The following RPS8 variants were observed in gnomAD, a reference collection of about 807,000 sequenced individuals.
RPS8 encodes the protein small ribosomal subunit protein eS8.
For missense variants in RPS8, 141 were observed against 269.7 expected (o/e 0.52, Z 3.34); for synonymous variants, 100 against 100.7 (o/e 0.99, Z 0.04).
rs1436343733 is a variant in RPS8, at chr1:44,775,811, T to C, written c.4+211T>C. 3 of 789,870 alleles carry C rather than the reference T, an allele frequency of 3.8e-6. No individual in the cohort carries two copies. In the Admixed American group the frequency reaches 7.2e-5, roughly 19 times the overall value. 48.9% of individuals were successfully genotyped at this position (789,870 alleles called of 1,614,324 possible). A position where few individuals can be genotyped will look rare whatever the true frequency, so the allele number is the denominator to read the frequency against. Reference sequence around the variant, plus strand: ...GGGTTCCGGGCCGCGGGCTGCGGGCTCCGAGCGGCGCCAACATGGCTGCCG... The same window carrying C: ...GGGTTCCGGGCCGCGGGCTGCGGGCCCCGAGCGGCGCCAACATGGCTGCCG... On this transcript the variant is annotated intron_variant, in intron 1 of 5. Transcript: ENST00000396651.
At chr1:44,777,828 G>T (rs374348518) in intron 4 of RPS8, 39 bp downstream of exon 4, 2 of 1,605,834 alleles carry the variant, frequency 1.2e-6, no homozygotes, top group African/African-American at 2.7e-5. Flanking sequence ...GGGGAGGGCA[G>T]CCTGACTCCA....
chr1:44,777,017 T>A (rs1650879667), intron 3 of RPS8: 1 of 410,094 alleles, frequency 2.4e-6, no homozygotes, highest in African/African-American at 2.1e-5. Context: ...CATTTGAAGT[T>A]TCTCCTTGCT....
At chr1:44,778,216 C>A in intron 5 of RPS8, 87 bp downstream of exon 5, 1 of 1,509,064 alleles carries the variant, frequency 6.6e-7, no homozygotes, top group Non-Finnish European at 9.1e-7. Context: ...CCTTTGACTG[C>A]CAGCCATGCA....
chr1:44,777,808 T>C lies in RPS8; in HGVS notation c.387+19T>C, dbSNP rs773022878. Reference sequence around the variant, plus strand: ...CAAGCTGGTGCGTGTTACTTCCCTGTAGGGGTTGTGGGGAGGGCAGCCTGA... The same window carrying C: ...CAAGCTGGTGCGTGTTACTTCCCTGCAGGGGTTGTGGGGAGGGCAGCCTGA... On this transcript the variant is annotated intron_variant, in intron 4 of 5. Transcript: ENST00000396651. 2 of 1,613,416 alleles carry C rather than the reference T, an allele frequency of 1.2e-6. No individual in the cohort carries two copies. The highest frequency in any genetic ancestry group is 1.7e-6 in the Non-Finnish European group (2 of 1,179,362).
At chr1:44,778,551 C>CTAAGGATCA (rs1650948729) in intron 5 of RPS8, 25 bp from the exon 6 acceptor site, 1 of 1,590,688 alleles carries the variant, frequency 6.3e-7, no homozygotes, top group Non-Finnish European at 8.6e-7. Flanking sequence ...TGTCGTTGTG[C>CTAAGGATCA]TAAGGATCAC....
chr1:44,777,381 T>G (rs2148843193), intron 3 of RPS8: 1 of 533,158 alleles, frequency 1.9e-6, no homozygotes, highest in South Asian at 2.1e-5. Flanking sequence ...TGCTCTGATC[T>G]TTCTGAACTC....
intron 5 of RPS8, 150 bp downstream of exon 5, chr1:44,778,279 C>A: frequency 9.9e-7 from 1 of 1,009,734 alleles, no homozygotes; most frequent in Non-Finnish European, 1.6e-6. Context: ...AACGTTTGGT[C>A]ACCCTATTCG....
chr1:44,776,416 T>G (rs1261184264), intron 2 of RPS8: 2 of 744,764 alleles, frequency 2.7e-6, no homozygotes, highest in African/African-American at 3.4e-5. Context: ...CGCGTCATAG[T>G]CAGAAGCCTA....
chr1:44,776,121 G>T lies in RPS8; in HGVS notation c.92G>T (p.Arg31Leu). Residue 31 changes from arginine (R) to leucine (L), a missense_variant, in exon 2 of 6, where the codon CGC (arginine) becomes CTC (leucine). Physicochemically the swap from Arg to Leu is moderately radical, Grantham distance 102 (BLOSUM62 -2). Transcript: ENST00000396651. ...AAGAAGCGGAAGTATGAGTTGGGGC[G>T]CCCAGCTGCCAACACCAAGGTGGGT... Reference protein sequence around the residue: ...YHKKRKYELGRPAANTKIGPR... With the variant: ...YHKKRKYELGLPAANTKIGPR... The T allele has an allele frequency of 6.2e-7, 1 of 1,603,816 alleles. No individual in the cohort carries two copies. The highest frequency in any genetic ancestry group is 1.1e-5 in the South Asian group (1 of 90,332).
chr1:44,776,785 C>A lies in RPS8; in HGVS notation c.211+11C>A, dbSNP rs771081823. On this transcript the variant is annotated intron_variant, in intron 3 of 5. Coordinates refer to ENST00000396651, the MANE Select transcript of RPS8 (RefSeq NM_001012.2). ...CCTGGGGCTCAGAGTGTGAGTGAGG[C>A]CCTTTGGGAGTGGGTGGGAAAACGC... 7.6e-6 allele frequency: 12 copies of A among 1,582,216 alleles called. No individual in the cohort carries two copies. The highest frequency in any genetic ancestry group is 6.8e-5 in the South Asian group (6 of 88,348).
intron 5 of RPS8, 68 bp from the exon 6 acceptor site, chr1:44,778,508 T>A (rs750392460): frequency 7.8e-7 from 1 of 1,278,118 alleles, no homozygotes; most frequent in South Asian, 1.2e-5. Context: ...CAGAGATTCT[T>A]AAGCGGGTGG....
At chr1:44,775,751 G>C (rs1316722961) in intron 1 of RPS8, 151 bp downstream of exon 1, 10 of 1,091,246 alleles carry the variant, frequency 9.2e-6, no homozygotes, top group Non-Finnish European at 1.3e-5. Flanking sequence ...CGGCCGCCCA[G>C]CCCGTCTCTG....
chr1:44,778,439 A>C lies in RPS8; in HGVS notation c.518-137A>C, dbSNP rs771579283. 3.6e-6 allele frequency: 3 copies of C among 826,906 alleles called. No homozygotes were observed. In the South Asian group the frequency reaches 4.0e-5, roughly 11 times the overall value. 51.2% of individuals were successfully genotyped at this position (826,906 alleles called of 1,614,324 possible). ...GTTCTGCTACTGACAGTAAGTGAAG[A>C]TAAAGTGTGTCTGAGGAGACAGCTG... is the stretch of plus-strand genomic sequence containing the variant. On this transcript the variant is annotated intron_variant, in intron 5 of 5. Transcript: ENST00000396651.
At chr1:44,775,685 C>A in intron 1 of RPS8, 85 bp downstream of exon 1, 1 of 1,555,984 alleles carries the variant, frequency 6.4e-7, no homozygotes. Context: ...CTGAGGAGTC[C>A]AGACGCCCCG....
rs772598152 is a variant in RPS8, at chr1:44,778,562, C to G, written c.518-14C>G. ...ACCTTGTCGTTGTGCTAAGGATCAC[C>G]TACTCTCTTGCAGCGTGCATCGCTT... On this transcript the variant is annotated splice_polypyrimidine_tract_variant and intron_variant, in intron 5 of 5. Transcript: ENST00000396651. The G allele has an allele frequency of 4.4e-6, 7 of 1,606,156 alleles. No homozygotes were observed. Among genetic ancestry groups the G allele is most frequent in the Non-Finnish European group, 1.7e-6 (2 of 1,173,022 alleles).
At position 44,775,591 on chromosome 1, in the gene RPS8, C is replaced by T. The variant is rs1352854024; in HGVS notation, c.-6C>T. The T allele has an allele frequency of 6.8e-6, 11 of 1,614,094 alleles. No homozygotes were observed. In the Admixed American group the frequency reaches 1.5e-4, roughly 22 times the overall value. On this transcript the variant is annotated 5_prime_UTR_variant, in exon 1 of 6. Transcript: ENST00000396651. ...TGCGGTTTCTCTTTCCAGCCAGCGC[C>T]GAGCGATGGGTGAGTGTCGCTCTGC...
In RPS8 at chr1:44,776,569, C is replaced by G. The variant is rs377221663; in HGVS notation, c.112-106C>G. ...TGTGTGCCACTTGCCAATGCAAGGA[C>G]TTGTCATAGTTACACTGACTGTTGC... is the stretch of plus-strand genomic sequence containing the variant. On this transcript the variant is annotated intron_variant, in intron 2 of 5. Transcript: ENST00000396651. 3.4e-4 allele frequency: 321 copies of G among 942,320 alleles called. No homozygotes were observed. In the African/African-American group the frequency reaches 4.4e-3, roughly 13 times the overall value. 58.4% of individuals were successfully genotyped at this position (942,320 alleles called of 1,614,324 possible). A position where few individuals can be genotyped will look rare whatever the true frequency, so the allele number is the denominator to read the frequency against.
At chr1:44,778,253 T>G in intron 5 of RPS8, 124 bp downstream of exon 5, 2 of 1,243,160 alleles carry the variant, frequency 1.6e-6, no homozygotes, top group Non-Finnish European at 2.3e-6. Flanking sequence ...GATAACAGGC[T>G]GCGAGCACAA....
At chr1:44,777,581 G>A (rs762584858) in intron 3 of RPS8, 33 bp from the exon 4 acceptor site, 1 of 1,596,266 alleles carries the variant, frequency 6.3e-7, no homozygotes, top group East Asian at 2.2e-5. Context: ...TTGTCCTCCA[G>A]TTTACTTGAT....
Sources: gnomAD v4.1 joint callset for allele counts on GRCh38, gnomAD v4.1.1 for gene constraint, MANE v1.5 for transcripts, NCBI Gene and HGNC (gene_info 2026-07-23, HGNC 2026-07-21) for gene names.